CCBE1: variants seen among roughly 807,000 people sequenced by gnomAD.
CCBE1 encodes the protein collagen and calcium-binding EGF domain-containing protein 1.
CCBE1 carries 37 observed loss-of-function variants against 50.0 expected under a neutral mutation model. That is an observed-to-expected ratio of 0.74 (90% CI 0.57 to 0.97). CCBE1 has a LOEUF of 0.97. CCBE1 is among the 50% of genes least tolerant of loss of function. CCBE1 has a pLI of 0.00. For missense variants in CCBE1, 538 were observed against 523.8 expected (o/e 1.03, Z -0.26); for synonymous variants, 234 against 203.7 (o/e 1.15, Z -1.27).
At chr18:59,584,600 C>G (rs1326319114) in intron 2 of CCBE1, among the ~76,000 whole-genome samples, 1 of 152,158 alleles carries the variant, frequency 6.6e-6, no homozygotes, top group Non-Finnish European at 1.5e-5. Context: ...GCTCCATTCC[C>G]CTAGTGCTGG....
At chr18:59,633,215 C>T (rs1265757865) in intron 2 of CCBE1, among the ~76,000 whole-genome samples, 1 of 152,204 alleles carries the variant, frequency 6.6e-6, no homozygotes, top group Non-Finnish European at 1.5e-5. Flanking sequence ...TATGCAATTA[C>T]ACAAGGATGA....
At chr18:59,597,637 C>A (rs2053373054) in intron 2 of CCBE1, among the ~76,000 whole-genome samples, 2 of 152,194 alleles carry the variant, frequency 1.3e-5, no homozygotes, top group African/African-American at 2.4e-5. Context: ...AAAGTGTTCA[C>A]CTAGAAGTAG....
chr18:59,683,307 T>C (rs1222452731), intron 2 of CCBE1, among the ~76,000 whole-genome samples: 2 of 152,172 alleles, frequency 1.3e-5, no homozygotes, highest in Non-Finnish European at 2.9e-5. Context: ...GAAAATCCAA[T>C]AGTGGGTCAA....
intron 2 of CCBE1, among the ~76,000 whole-genome samples, chr18:59,492,788 CAG>C (rs972843256): frequency 6.6e-6 from 1 of 152,216 alleles, no homozygotes; most frequent in African/African-American, 2.4e-5. Context: ...CACTGAAATG[CAG>C]AGTCAGTGCA....
chr18:59,580,911 C>T (rs1455066180), intron 2 of CCBE1, among the ~76,000 whole-genome samples: 2 of 152,144 alleles, frequency 1.3e-5, no homozygotes, highest in Non-Finnish European at 2.9e-5. Context: ...TTTAATCCAC[C>T]TCTGTGTGCT....
intron 5 of CCBE1, among the ~76,000 whole-genome samples, chr18:59,455,782 G>A (rs996673828): frequency 1.3e-5 from 2 of 152,210 alleles, no homozygotes; most frequent in African/African-American, 4.8e-5. Context: ...TGGCAGCAGT[G>A]TGGGCTGAAA....
chr18:59,560,908 A>G (rs2052727049), intron 2 of CCBE1, among the ~76,000 whole-genome samples: 1 of 152,206 alleles, frequency 6.6e-6, no homozygotes, highest in Non-Finnish European at 1.5e-5. Flanking sequence ...TTAGCAGCAG[A>G]GTTACAAAAA....
At chr18:59,464,774 G>A (rs974652773) in intron 5 of CCBE1, 13 of 152,282 alleles carry the variant, frequency 8.5e-5, no homozygotes, top group African/African-American at 2.9e-4. Flanking sequence ...CTCAGCTGAT[G>A]GCTGCTGCCT....
chr18:59,555,784 C>T (rs116218534), intron 2 of CCBE1, among the ~76,000 whole-genome samples: 1,852 of 152,192 alleles, frequency 0.012, 38 homozygotes, highest in African/African-American at 0.043. Flanking sequence ...CATAAGAATG[C>T]CAACAGCCCT....
intron 2 of CCBE1, among the ~76,000 whole-genome samples, chr18:59,565,432 G>T (rs978031852): frequency 1.6e-5 from 2 of 128,998 alleles, no homozygotes; most frequent in South Asian, 4.5e-4. Context: ...TAGACAAAGG[G>T]CTGTCACTCA....
At chr18:59,610,725 C>G (rs147726806) in intron 2 of CCBE1, among the ~76,000 whole-genome samples, 52 of 152,294 alleles carry the variant, frequency 3.4e-4, no homozygotes, top group African/African-American at 1.2e-3. Flanking sequence ...TCAGAAAATA[C>G]GCCTAACAAG....
chr18:59,488,551 G>A (rs1189579466), intron 2 of CCBE1, among the ~76,000 whole-genome samples: 3 of 152,146 alleles, frequency 2.0e-5, no homozygotes, highest in Admixed American at 6.5e-5. Context: ...CAACAAGGCC[G>A]CAAGCGATGA....
At chr18:59,440,567 C>T (rs923482410) in intron 7 of CCBE1, among the ~76,000 whole-genome samples, 5 of 152,116 alleles carry the variant, frequency 3.3e-5, no homozygotes, top group African/African-American at 9.7e-5. Flanking sequence ...TGTAACCCAC[C>T]TACTTTCAAC....
intron 2 of CCBE1, among the ~76,000 whole-genome samples, chr18:59,647,495 C>T (rs1354965337): frequency 1.3e-5 from 2 of 151,960 alleles, no homozygotes; most frequent in African/African-American, 4.8e-5. Flanking sequence ...TTTTTTTCTG[C>T]TTTTGTAATC....
chr18:59,431,271 C>G lies in CCBE1; in HGVS notation c.*4637G>C, dbSNP rs1216110270. The G allele has an allele frequency of 6.6e-6, 1 of 152,096 alleles. No individual in the cohort carries two copies. Among genetic ancestry groups the G allele is most frequent in the Non-Finnish European group, 1.5e-5 (1 of 68,024 alleles). 9.4% of individuals were successfully genotyped at this position (152,096 alleles called of 1,614,324 possible). On this transcript the variant is annotated 3_prime_UTR_variant, in exon 11 of 11. Coordinates refer to ENST00000439986, the MANE Select transcript of CCBE1 (RefSeq NM_133459.4). ...TACAGTCATGGTGTGTTTTGTTTTC[C>G]AAATGGAAAATTATTTTTGACTTGT... is the stretch of plus-strand genomic sequence containing the variant.
At chr18:59,552,613 C>A (rs938500375) in intron 2 of CCBE1, among the ~76,000 whole-genome samples, 1 of 152,162 alleles carries the variant, frequency 6.6e-6, no homozygotes, top group African/African-American at 2.4e-5. Flanking sequence ...GTTCCCACAT[C>A]GTTTTTCTAT....
chr18:59,605,876 G>T (rs7238005), intron 2 of CCBE1, among the ~76,000 whole-genome samples: 431 of 152,270 alleles, frequency 2.8e-3, no homozygotes, highest in African/African-American at 9.3e-3. Flanking sequence ...CAGTTTTTGG[G>T]AGGAAAAGGT....
At chr18:59,495,395 T>TC (rs1190390113) in intron 2 of CCBE1, among the ~76,000 whole-genome samples, 1 of 79,176 alleles carries the variant, frequency 1.3e-5, no homozygotes, top group Non-Finnish European at 2.2e-5. Flanking sequence ...CAGGGCCTCT[T>TC]TTTTTTTTTT....
intron 2 of CCBE1, among the ~76,000 whole-genome samples, chr18:59,635,015 C>T (rs929124330): frequency 2.6e-5 from 4 of 152,106 alleles, no homozygotes; most frequent in Admixed American, 6.5e-5. Context: ...TGATGAAAAA[C>T]ATAAATCTTC....
Sources: allele counts gnomAD v4.1 joint callset (sites outside exome capture counted in the v4.1 genomes callset), GRCh38; gene constraint gnomAD v4.1.1; transcripts MANE v1.5; gene names NCBI Gene and HGNC (gene_info 2026-07-23, HGNC 2026-07-21).